The following GSE1 variants were observed in gnomAD, a reference collection of about 807,000 sequenced individuals.
GSE1 encodes the protein Gse1 coiled-coil protein.
A neutral mutation model predicts 112.6 loss-of-function variants in GSE1; 32 were observed. The observed-to-expected ratio is 0.28, with a 90% CI of 0.21 to 0.38. The LOEUF is 0.38. Ranked by LOEUF, GSE1 falls within the 10% of genes least tolerant of loss-of-function variation. GSE1 has a pLI of 1.00. For synonymous variants in GSE1, 1,115 were observed against 735.6 expected (o/e 1.52, Z -8.35); for missense variants, 2,348 against 1,699.2 (o/e 1.38, Z -6.71).
At chr16:85,575,719 C>G (rs1361381387) in intron 1 of GSE1, among the ~76,000 whole-genome samples, 1 of 152,008 alleles carries the variant, frequency 6.6e-6, no homozygotes, top group East Asian at 1.9e-4. Flanking sequence ...GGAAGAATGT[C>G]CTTTTATTTC....
intron 2 of GSE1, among the ~76,000 whole-genome samples, chr16:85,455,200 C>T (rs2049792993): frequency 6.6e-6 from 1 of 152,196 alleles, no homozygotes; most frequent in South Asian, 2.1e-4. Context: ...CAGGGTCCCT[C>T]TTCACAGGAG....
chr16:85,355,051 T>C (rs2046923893), intron 1 of GSE1, among the ~76,000 whole-genome samples: 1 of 152,232 alleles, frequency 6.6e-6, no homozygotes, highest in African/African-American at 2.4e-5. Context: ...TTGTGGGGGC[T>C]GTGGTCTGGC....
chr16:85,213,422 C>T (rs2075259604), intron 1 of GSE1, among the ~76,000 whole-genome samples: 1 of 152,184 alleles, frequency 6.6e-6, no homozygotes, highest in African/African-American at 2.4e-5. Flanking sequence ...CACTGCACTC[C>T]AGCTTGGGCG....
upstream of GSE1, among the ~76,000 whole-genome samples, chr16:85,554,311 G>A (rs896041362): frequency 6.6e-6 from 1 of 152,156 alleles, no homozygotes; most frequent in Non-Finnish European, 1.5e-5. Flanking sequence ...GTGTGAAAGG[G>A]AGGCGGCGTG....
chr16:85,359,624 C>A (rs182900289), intron 2 of GSE1, among the ~76,000 whole-genome samples: 1 of 152,230 alleles, frequency 6.6e-6, no homozygotes, highest in Non-Finnish European at 1.5e-5. Flanking sequence ...CCAAGTCTGC[C>A]TTTTTCCCAC....
At chr16:85,501,421 C>G (rs184484737) in intron 2 of GSE1, among the ~76,000 whole-genome samples, 206 of 122,782 alleles carry the variant, frequency 1.7e-3, no homozygotes, top group Admixed American at 5.4e-3. Flanking sequence ...GGGATGGAGT[C>G]TTACTGTGTT....
intron 2 of GSE1, among the ~76,000 whole-genome samples, chr16:85,640,054 T>A (rs1043944140): frequency 6.6e-6 from 1 of 152,154 alleles, no homozygotes; most frequent in Non-Finnish European, 1.5e-5. Context: ...CCTTCCCAGG[T>A]GGGCTGGAGA....
At chr16:85,633,167 G>C (rs998844684) in intron 1 of GSE1, among the ~76,000 whole-genome samples, 3 of 152,220 alleles carry the variant, frequency 2.0e-5, no homozygotes, top group African/African-American at 7.2e-5. Context: ...TCTCCGGGCA[G>C]ACTCTGTGCC....
At chr16:85,578,558 G>A (rs1276977506) in intron 1 of GSE1, among the ~76,000 whole-genome samples, 1 of 152,176 alleles carries the variant, frequency 6.6e-6, no homozygotes, top group African/African-American at 2.4e-5. Context: ...TTATTTTGCA[G>A]GGAGGAACAA....
intron 1 of GSE1, among the ~76,000 whole-genome samples, chr16:85,615,186 C>T: frequency 6.6e-6 from 1 of 152,226 alleles, no homozygotes; most frequent in Admixed American, 6.5e-5. Context: ...GAGGCACAGG[C>T]TGTGCCTGAC....
chr16:85,235,576 TGG>T (rs11324376), intron 1 of GSE1, among the ~76,000 whole-genome samples: 25,940 of 114,920 alleles, frequency 0.23, 3,476 homozygotes, highest in Admixed American at 0.38. Flanking sequence ...TGTGTGTGGG[TGG>T]GGGGGGGGCG....
chr16:85,169,922 G>A lies in GSE1; in HGVS notation c.398G>A (p.Gly133Glu), dbSNP rs1189406644. 4.1e-6 allele frequency: 4 copies of A among 984,386 alleles called. No individual in the cohort carries two copies. The African/African-American group carries it at 7.0e-5, about 17-fold the overall frequency. The allele number at this position is 984,386 out of a possible 1,614,324, so 61.0% of individuals were successfully genotyped here. A position where few individuals can be genotyped will look rare whatever the true frequency, so the allele number is the denominator to read the frequency against. ...GCAGGCGGCCGCCGTGGCGGCGCCGGGGCCCCCCGCGAGTGGAACGTCGCC... is the reference window on the plus strand; with the variant it reads ...GCAGGCGGCCGCCGTGGCGGCGCCGAGGCCCCCCGCGAGTGGAACGTCGCC... Residue 133 changes from glycine to glutamate, a missense_variant, in exon 1 of 3, where the codon GGG becomes GAG. Gly to Glu is a moderately conservative substitution (Grantham distance 98). Coordinates refer to the GSE1 transcript ENST00000637419.
intron 2 of GSE1, among the ~76,000 whole-genome samples, chr16:85,450,598 G>A (rs1253445659): frequency 1.3e-5 from 2 of 151,556 alleles, no homozygotes; most frequent in African/African-American, 4.8e-5. Flanking sequence ...ACAGGCGCCC[G>A]CTACCATGCC....
intron 2 of GSE1, among the ~76,000 whole-genome samples, chr16:85,504,590 CAT>C (rs2051476279): frequency 6.6e-6 from 1 of 151,964 alleles, no homozygotes; most frequent in East Asian, 1.9e-4. Flanking sequence ...GTGATTGCCA[CAT>C]AGTTAGAATT....
intron 2 of GSE1, among the ~76,000 whole-genome samples, chr16:85,380,810 G>A (rs369564111): frequency 2.6e-5 from 4 of 152,170 alleles, no homozygotes; most frequent in African/African-American, 4.8e-5. Flanking sequence ...AGGGAGTGTC[G>A]CCCTGCCAAG....
In GSE1 at chr16:85,568,669, T is replaced by C. The variant is rs2045859259; in HGVS notation, c.37+12306T>C. ...GGCTTATTACCCAGGGCGGAGGCTC[T>C]TGGGAAACCCTTCCCCATTCACTCC... On this transcript the variant is annotated intron_variant, in intron 1 of 2. Coordinates refer to the GSE1 transcript ENST00000635906. 2.6e-5 allele frequency among the ~76,000 whole-genome samples: 4 copies of C among 152,174 alleles called. No individual in the cohort carries two copies. The South Asian group carries it at 8.3e-4, about 31-fold the overall frequency.
intron 2 of GSE1, among the ~76,000 whole-genome samples, chr16:85,636,818 C>T (rs1359958659): frequency 6.6e-6 from 1 of 152,180 alleles, no homozygotes; most frequent in Non-Finnish European, 1.5e-5. Context: ...GTTGGGCGCA[C>T]AAAAGGGTCT....
intron 8 of GSE1, 129 bp downstream of exon 8, chr16:85,657,733 T>C: frequency 3.2e-6 from 2 of 631,778 alleles, no homozygotes; most frequent in Non-Finnish European, 5.2e-6. Flanking sequence ...ATTTCTGTTC[T>C]TTCATCTTCA....
At chr16:85,626,128 G>C (rs1312002897) in intron 1 of GSE1, among the ~76,000 whole-genome samples, 1 of 151,846 alleles carries the variant, frequency 6.6e-6, no homozygotes, top group South Asian at 2.1e-4. Context: ...CTGGGGGGGT[G>C]TTTTTATTTG....
Sources: gnomAD v4.1 joint callset for allele counts (sites outside exome capture counted in the v4.1 genomes callset) on GRCh38, gnomAD v4.1.1 for gene constraint, MANE v1.5 for transcripts, NCBI Gene and HGNC (gene_info 2026-07-23, HGNC 2026-07-21) for gene names.